ACOT7: variants seen among roughly 807,000 people sequenced by gnomAD.
The protein encoded by ACOT7 is acyl-CoA thioesterase 7, also known as cytosolic acyl coenzyme A thioester hydrolase.
In ACOT7, 12 loss-of-function variants were observed where a neutral mutation model predicts 40.2. That is an observed-to-expected ratio of 0.30 (90% CI 0.19 to 0.48). The LOEUF is 0.48. ACOT7 is among the 20% of genes least tolerant of loss of function. ACOT7 has a pLI of 0.99. For missense variants in ACOT7, 395 were observed against 530.8 expected, an observed-to-expected ratio of 0.74 and a Z score of 2.51; for synonymous variants, 228 against 219.5, an observed-to-expected ratio of 1.04 and a Z score of -0.34.
intron 2 of ACOT7, among the ~76,000 whole-genome samples, chr1:6,345,613 G>A (rs1641398787): frequency 6.6e-6 from 1 of 152,222 alleles, no homozygotes; most frequent in African/African-American, 2.4e-5. Context: ...ATTGACAAAC[G>A]TCAAGTGCGT....
At chr1:6,267,315 G>A (rs990077355) in intron 8 of ACOT7, among the ~76,000 whole-genome samples, 12 of 152,228 alleles carry the variant, frequency 7.9e-5, no homozygotes, top group African/African-American at 2.9e-4. Context: ...ACCAGGAGGG[G>A]CCAAGAGAGG....
In ACOT7 at chr1:6,393,507, C is replaced by G; in HGVS notation, c.-108G>C. On this transcript the variant is annotated 5_prime_UTR_variant, in exon 1 of 9. Coordinates refer to ENST00000361521, the MANE Select transcript of ACOT7 (RefSeq NM_007274.4). Reference sequence around the variant, plus strand: ...GCCGACCCCGCCCCCGCGCCGGCCCCACCCCGAGCCCCGCCTCCCAGGCCG... The same window carrying G: ...GCCGACCCCGCCCCCGCGCCGGCCCGACCCCGAGCCCCGCCTCCCAGGCCG... The G allele has an allele frequency of 9.7e-7, 1 of 1,028,720 alleles. No individual in the cohort carries two copies. The highest frequency in any genetic ancestry group is 1.2e-6 in the Non-Finnish European group (1 of 811,122). The allele number at this position is 1,028,720 out of a possible 1,614,324, so 63.7% of individuals were successfully genotyped here.
Position 6,355,377 on chromosome 1 carries a change from T to C in ACOT7, c.144-5511A>G, listed in dbSNP as rs530321743. 3.9e-5 allele frequency among the ~76,000 whole-genome samples: 6 copies of C among 152,100 alleles called. No individual in the cohort carries two copies. The highest frequency in any genetic ancestry group is 7.2e-5 in the African/African-American group (3 of 41,404). On this transcript the variant is annotated intron_variant, in intron 1 of 8. Coordinates refer to ENST00000361521, the MANE Select transcript of ACOT7 (RefSeq NM_007274.4). The surrounding 1 kb of genome is among the most constrained non-coding windows in gnomAD (Gnocchi z 5.0). ...GCACAGCCGTGTATAACGCAGGACA[T>C]GGGCCAGCGCCGAGATGTCCACATA...
At position 6,352,624 on chromosome 1, in the gene ACOT7, C is replaced by T. The variant is rs1435588611; in HGVS notation, c.144-2758G>A. 5.4e-4 allele frequency among the ~76,000 whole-genome samples: 81 copies of T among 151,318 alleles called. 2 individuals carry two copies. The highest frequency in any genetic ancestry group is 1.3e-4 in the Admixed American group (2 of 15,190). On this transcript the variant is annotated intron_variant, in intron 1 of 8. Transcript: ENST00000361521. This position sits in a 1 kb window ranked among gnomAD's most constrained non-coding sequence, Gnocchi z 4.5. ...TTTTTTTTTTTGAGACGGCGTCTCGCTCTGTCTCCCAGGCTGGAGTGCAGT... is the reference window on the plus strand; with the variant it reads ...TTTTTTTTTTTGAGACGGCGTCTCGTTCTGTCTCCCAGGCTGGAGTGCAGT...
At position 6,281,297 on chromosome 1, in the gene ACOT7, G is replaced by T; in HGVS notation, c.830-11C>A. The T allele has an allele frequency of 6.2e-7, 1 of 1,612,716 alleles. No individual in the cohort carries two copies. The highest frequency in any genetic ancestry group is 1.1e-5 in the South Asian group (1 of 91,050). On this transcript the variant is annotated splice_polypyrimidine_tract_variant and intron_variant, in intron 7 of 8. Coordinates refer to ENST00000361521, the MANE Select transcript of ACOT7 (RefSeq NM_007274.4). ...TGGTGATGACGCAGCCTGTGGAGAA[G>T]GGAGGGCGGGGGTCAGGGCGGCCTC...
At chr1:6,264,841 G>C in intron 8 of ACOT7, 146 bp from the exon 9 acceptor site, 1 of 783,728 alleles carries the variant, frequency 1.3e-6, no homozygotes, top group South Asian at 1.8e-5. Context: ...CGGCCCCGCT[G>C]GCCTCCTGGG....
At chr1:6,317,409 T>G (rs575056941) in intron 6 of ACOT7, among the ~76,000 whole-genome samples, 1 of 152,350 alleles carries the variant, frequency 6.6e-6, no homozygotes, top group African/African-American at 2.4e-5. Flanking sequence ...TAAATCCTCT[T>G]GCGTTCCAGC....
At chr1:6,268,431 G>C (rs1034307122) in intron 8 of ACOT7, among the ~76,000 whole-genome samples, 1 of 152,170 alleles carries the variant, frequency 6.6e-6, no homozygotes, top group African/African-American at 2.4e-5. Context: ...AAACTAACTA[G>C]ACCTAGATCT....
chr1:6,385,687 T>G (rs2148482905), intron 1 of ACOT7: 3 of 1,607,704 alleles, frequency 1.9e-6, no homozygotes, highest in Middle Eastern at 1.7e-4. Flanking sequence ...GTGGGCAAAC[T>G]GTTTACCCAG....
chr1:6,359,242 C>T lies in ACOT7; in HGVS notation c.144-9376G>A. ...TCTTTCTCCAGGGTCTCAGCCAAAG[C>T]CAGGTCTGGCCCCACTGCCGCCTTC... On this transcript the variant is annotated intron_variant, in intron 1 of 8. Transcript: ENST00000361521. This position sits in a 1 kb window ranked among gnomAD's most constrained non-coding sequence, Gnocchi z 4.1. 1 of 175,954 alleles carries T rather than the reference C, an allele frequency of 5.7e-6. No individual in the cohort carries two copies. The highest frequency in any genetic ancestry group is 1.2e-5 in the Non-Finnish European group (1 of 82,838). The allele number at this position is 175,954 out of a possible 1,614,324, so 10.9% of individuals were successfully genotyped here. A position where few individuals can be genotyped will look rare whatever the true frequency, so the allele number is the denominator to read the frequency against.
chr1:6,332,662 T>C (rs1192617477), intron 4 of ACOT7, among the ~76,000 whole-genome samples: 1 of 151,662 alleles, frequency 6.6e-6, no homozygotes. Flanking sequence ...AAAAAATATA[T>C]ATAAAATAAT....
chr1:6,327,682 T>C (rs551457202), intron 4 of ACOT7, among the ~76,000 whole-genome samples: 1 of 152,332 alleles, frequency 6.6e-6, no homozygotes, highest in Non-Finnish European at 1.5e-5. Context: ...AGCTCTATGG[T>C]GCTGTATGTG....
At chr1:6,343,153 GC>G (rs1471763006) in intron 2 of ACOT7, among the ~76,000 whole-genome samples, 2 of 152,196 alleles carry the variant, frequency 1.3e-5, no homozygotes, top group Admixed American at 1.3e-4. Context: ...GACAAGGGGT[GC>G]CACATTAGGC....
chr1:6,345,829 G>A (rs755944356), intron 2 of ACOT7, among the ~76,000 whole-genome samples: 4 of 152,144 alleles, frequency 2.6e-5, no homozygotes, highest in Non-Finnish European at 5.9e-5. Flanking sequence ...GACTACACAG[G>A]GAGAGGAAGG....
In ACOT7 at chr1:6,334,864, TCAGAG is replaced by T. The variant is rs1337930972; in HGVS notation, c.419-1301_419-1297del. On this transcript the variant is annotated intron_variant, in intron 3 of 8. Coordinates refer to ENST00000361521, the MANE Select transcript of ACOT7 (RefSeq NM_007274.4). ...GCCATACTCCCATGTCCCAGTCATT[TCAGAG>T]AAGTATCTGCAAGGATGCCTTTAAA... Among the ~76,000 whole-genome samples, 3 of 152,228 alleles carry T rather than the reference TCAGAG, an allele frequency of 2.0e-5. No individual in the cohort carries two copies. In the East Asian group the frequency reaches 5.8e-4, roughly 29 times the overall value.
chr1:6,385,499 A>G (rs1218548618), intron 1 of ACOT7: 2 of 1,608,552 alleles, frequency 1.2e-6, no homozygotes, highest in Admixed American at 1.7e-5. Flanking sequence ...CCTACCTTCC[A>G]GTAATGCAGG....
At chr1:6,329,518 G>A (rs771626970) in intron 4 of ACOT7, among the ~76,000 whole-genome samples, 16 of 151,626 alleles carry the variant, frequency 1.1e-4, no homozygotes, top group Non-Finnish European at 1.3e-4. Context: ...GCCAGCCCCC[G>A]GTCTAATAAA....
At chr1:6,273,641 G>GT (rs3838287) in intron 8 of ACOT7, among the ~76,000 whole-genome samples, 33,599 of 152,226 alleles carry the variant, frequency 0.22, 7,270 homozygotes, top group African/African-American at 0.56. Context: ...CTGCACTCCA[G>GT]TAACAGCTGA....
intron 5 of ACOT7, among the ~76,000 whole-genome samples, chr1:6,320,596 T>C (rs1390052395): frequency 6.6e-6 from 1 of 152,152 alleles, no homozygotes; most frequent in African/African-American, 2.4e-5. Context: ...CACCTGAGGT[T>C]TTGATGGGTC....
Sources: gnomAD v4.1 joint callset for allele counts (sites outside exome capture counted in the v4.1 genomes callset) on GRCh38, gnomAD v4.1.1 for gene constraint, Gnocchi (gnomAD v3.1) non-coding constraint, MANE v1.5 for transcripts, NCBI Gene and HGNC (gene_info 2026-07-23, HGNC 2026-07-21) for gene names.